Variants in SGCD observed in about 807,000 individuals in gnomAD.
SGCD encodes sarcoglycan delta, also known as delta-sarcoglycan.
In SGCD, 18 loss-of-function variants were observed where a neutral mutation model predicts 36.6. The ratio of observed to expected loss-of-function variants is 0.49; its 90% CI spans 0.34 to 0.73. SGCD has a LOEUF of 0.73. SGCD is among the 30% of genes least tolerant of loss of function. SGCD has a pLI of 0.01. For synonymous variants in SGCD, 133 were observed against 130.6 expected, an observed-to-expected ratio of 1.02 and a Z score of -0.12; for missense variants, 387 against 346.7, an observed-to-expected ratio of 1.12 and a Z score of -0.92.
the SGCD span, among the ~76,000 whole-genome samples, chr5:155,850,716 G>T: frequency 1.3e-5 from 2 of 152,150 alleles, no homozygotes; most frequent in Non-Finnish European, 2.9e-5. Context: ...TCTGTCTCTT[G>T]CTTTGCTCCT....
At chr5:156,748,802 C>CT (rs961790397) in intron 7 of SGCD, among the ~76,000 whole-genome samples, 6 of 151,790 alleles carry the variant, frequency 4.0e-5, no homozygotes, top group Non-Finnish European at 7.4e-5. Flanking sequence ...TCAATTTTTT[C>CT]TTTTTTTTGA....
chr5:156,166,669 G>C (rs1763224330), intron 3 of SGCD, among the ~76,000 whole-genome samples: 1 of 152,150 alleles, frequency 6.6e-6, no homozygotes, highest in African/African-American at 2.4e-5. Context: ...CGTTCTGACT[G>C]AACAGAGACC....
chr5:155,790,296 T>C, the SGCD span, among the ~76,000 whole-genome samples: 1 of 152,070 alleles, frequency 6.6e-6, no homozygotes, highest in Non-Finnish European at 1.5e-5. Flanking sequence ...GTTAAGAATA[T>C]ACCCTAGAAA....
the SGCD span, among the ~76,000 whole-genome samples, chr5:155,829,719 G>C: frequency 5.1e-4 from 77 of 152,288 alleles, no homozygotes; most frequent in Admixed American, 1.0e-3. Flanking sequence ...CGTTTCCATT[G>C]ATCATTGTGT....
chr5:155,751,543 C>T, the SGCD span, among the ~76,000 whole-genome samples: 1 of 152,176 alleles, frequency 6.6e-6, no homozygotes, highest in Admixed American at 6.5e-5. Context: ...CATACCACCA[C>T]ACCAGGCTAA....
chr5:156,314,648 TAAAC>T (rs1767468311), intron 3 of SGCD, among the ~76,000 whole-genome samples: 2 of 151,944 alleles, frequency 1.3e-5, no homozygotes, highest in Admixed American at 6.6e-5. Flanking sequence ...TACATTCAGA[TAAAC>T]TAAGTGACAA....
chr5:155,748,616 A>T, the SGCD span, among the ~76,000 whole-genome samples: 2 of 152,134 alleles, frequency 1.3e-5, no homozygotes, highest in African/African-American at 4.8e-5. Flanking sequence ...TGGATTTTCA[A>T]CACATTTTGA....
At chr5:156,277,634 C>T (rs11956108) in intron 3 of SGCD, among the ~76,000 whole-genome samples, 7,571 of 152,222 alleles carry the variant, frequency 0.05, 570 homozygotes, top group African/African-American at 0.16. Context: ...GGTTTGCAAT[C>T]AAACTCTCAT....
At chr5:156,687,399 C>A (rs999578787) in intron 7 of SGCD, among the ~76,000 whole-genome samples, 5 of 152,160 alleles carry the variant, frequency 3.3e-5, no homozygotes, top group African/African-American at 1.2e-4. Flanking sequence ...ATTTTCTTTT[C>A]CTCTCTGAAA....
chr5:155,734,031 A>C, the SGCD span, among the ~76,000 whole-genome samples: 1 of 150,190 alleles, frequency 6.7e-6, no homozygotes, highest in Non-Finnish European at 1.5e-5. Flanking sequence ...TGGCCAGTTC[A>C]CACAGATTCT....
At chr5:156,640,124 T>C (rs1227886787) in intron 6 of SGCD, among the ~76,000 whole-genome samples, 2 of 152,176 alleles carry the variant, frequency 1.3e-5, no homozygotes, top group South Asian at 2.1e-4. Flanking sequence ...TACAACAGTT[T>C]CTCAGTCCTT....
chr5:155,997,403 T>C (rs1406653749), intron 1 of SGCD, among the ~76,000 whole-genome samples: 2 of 152,224 alleles, frequency 1.3e-5, no homozygotes, highest in East Asian at 3.8e-4. Context: ...GTGTTGAGCT[T>C]GGGAGACTTG....
At chr5:156,089,783 G>C (rs1206639288) in intron 1 of SGCD, among the ~76,000 whole-genome samples, 1 of 152,174 alleles carries the variant, frequency 6.6e-6, no homozygotes, top group Non-Finnish European at 1.5e-5. Flanking sequence ...GTCTTCTGGA[G>C]GTGTGGTCCC....
chr5:156,094,945 G>A (rs748534336), intron 1 of SGCD, among the ~76,000 whole-genome samples: 3 of 152,056 alleles, frequency 2.0e-5, no homozygotes, highest in Non-Finnish European at 4.4e-5. Context: ...AGGTTGCAGT[G>A]AGCCAGGTTC....
chr5:156,108,503 A>G (rs1020152030), intron 1 of SGCD, among the ~76,000 whole-genome samples: 3 of 152,138 alleles, frequency 2.0e-5, no homozygotes, highest in Non-Finnish European at 4.4e-5. Flanking sequence ...TTAAATAAGT[A>G]TAATCTGTTA....
At chr5:155,779,512 T>G in the SGCD span, among the ~76,000 whole-genome samples, 2 of 152,176 alleles carry the variant, frequency 1.3e-5, no homozygotes, top group African/African-American at 4.8e-5. Flanking sequence ...GTATGTTGTT[T>G]CCACACTGTG....
At chr5:156,739,607 C>T (rs1419914362) in intron 7 of SGCD, 1 of 152,090 alleles carries the variant, frequency 6.6e-6, no homozygotes, top group African/African-American at 2.4e-5. Flanking sequence ...GATAAAAAAA[C>T]TTCAAAATAG....
intron 3 of SGCD, among the ~76,000 whole-genome samples, chr5:156,459,688 A>G (rs1257124572): frequency 6.6e-6 from 1 of 152,176 alleles, no homozygotes; most frequent in East Asian, 1.9e-4. Context: ...CATTGCATTG[A>G]AAATTAGAAA....
chr5:156,558,361 C>A (rs866950734), intron 4 of SGCD, among the ~76,000 whole-genome samples: 1 of 151,886 alleles, frequency 6.6e-6, no homozygotes, highest in Non-Finnish European at 1.5e-5. Context: ...GCACCAGGCA[C>A]ACACTAGGTA....
Sources: allele counts gnomAD v4.1 joint callset (sites outside exome capture counted in the v4.1 genomes callset), GRCh38; gene constraint gnomAD v4.1.1; transcripts MANE v1.5; gene names NCBI Gene and HGNC (gene_info 2026-07-23, HGNC 2026-07-21).